Variants in TM6SF2 observed in about 807,000 individuals in gnomAD.
TM6SF2 encodes transmembrane 6 superfamily member 2.
A neutral mutation model predicts 41.0 loss-of-function variants in TM6SF2; 29 were observed. The ratio of observed to expected loss-of-function variants is 0.71; its 90% CI spans 0.53 to 0.96. The LOEUF (loss-of-function observed/expected upper bound fraction) is 0.96. Among genes scored for constraint, TM6SF2 ranks in the 50% least tolerant of loss-of-function variants. TM6SF2 has a pLI of 0.00. For synonymous variants in TM6SF2, 200 were observed against 209.1 expected (o/e 0.96, Z 0.37); for missense variants, 475 against 499.0 (o/e 0.95, Z 0.46).
intron 6 of TM6SF2, 121 bp from the exon 7 acceptor site, chr19:19,268,208 C>CTTT (rs536426725): frequency 7.1e-5 from 40 of 562,662 alleles, no homozygotes; most frequent in South Asian, 2.5e-4. Flanking sequence ...TTTCTTTTTT[C>CTTT]TTTTTTTTTT....
intron 5 of TM6SF2, 43 bp from the exon 6 acceptor site, chr19:19,268,797 C>A: frequency 6.5e-7 from 1 of 1,541,358 alleles, no homozygotes; most frequent in East Asian, 2.5e-5. Flanking sequence ...TGCCAGAACC[C>A]TGCTGGACAT....
Position 19,268,650 on chromosome 19 carries a change from T to C in TM6SF2, c.589A>G (p.Thr197Ala), listed in dbSNP as rs373585910. The change falls in exon 6 of 10, where the codon ACC becomes GCC. Residue 197 changes from threonine to alanine, a missense_variant. Transcript: ENST00000389363. ...MKVFSQPRAL[T>A]RCTANMVQEE... ...CTCACCATGTTGGCGGTGCAGCGGG[T>C]TAGCGCCCGGGGCTGGCTGAAGACC... The C allele has an allele frequency of 3.1e-6, 5 of 1,588,050 alleles. No homozygotes were observed. In the African/African-American group the frequency reaches 6.9e-5, roughly 22 times the overall value.
chr19:19,270,592 G>T, intron 2 of TM6SF2, 150 bp from the exon 3 acceptor site: 2 of 947,454 alleles, frequency 2.1e-6, no homozygotes, highest in Non-Finnish European at 3.1e-6. Flanking sequence ...CAACCCCAAA[G>T]GTTGCATGAC....
At position 19,268,993 on chromosome 19, in the gene TM6SF2, A is replaced by C. The variant is rs140260057; in HGVS notation, c.485-239T>G. Among the ~76,000 whole-genome samples, 734 of 152,012 alleles carry C rather than the reference A, an allele frequency of 4.8e-3. 5 individuals are homozygous for C. The highest frequency in any genetic ancestry group is 0.017 in the African/African-American group (700 of 41,468). On this transcript the variant is annotated intron_variant, in intron 5 of 9. Transcript: ENST00000389363. ...CTTTTAGTATAGGCAGGGTTTCACC[A>C]TGCTGCCCAGGCTGATCTTGATCTC...
chr19:19,267,371 A>T (rs2061006616), intron 8 of TM6SF2, among the ~76,000 whole-genome samples: 1 of 97,712 alleles, frequency 1.0e-5, no homozygotes, highest in African/African-American at 3.9e-5. Flanking sequence ...TCTGTTTAAA[A>T]AAAAAAAAAA....
chr19:19,265,538 C>G (rs1042942141), intron 9 of TM6SF2, among the ~76,000 whole-genome samples: 1 of 152,172 alleles, frequency 6.6e-6, no homozygotes, highest in Non-Finnish European at 1.5e-5. Context: ...CCAATCTCAG[C>G]CTCCCGAGTA....
intron 1 of TM6SF2, 61 bp downstream of exon 1, chr19:19,273,060 C>CAGGG: frequency 1.5e-5 from 7 of 472,834 alleles, no homozygotes; most frequent in East Asian, 4.0e-5. Flanking sequence ...ACCTCCAGTC[C>CAGGG]TCCCCGCCCC....
At chr19:19,266,436 G>A in intron 9 of TM6SF2, 54 bp downstream of exon 9, 6 of 1,605,968 alleles carry the variant, frequency 3.7e-6, no homozygotes, top group Non-Finnish European at 5.1e-6. Context: ...GCATTGATGA[G>A]TAGACAGAAA....
intron 9 of TM6SF2, 111 bp from the exon 10 acceptor site, chr19:19,264,984 CCACCT>C: frequency 1.6e-6 from 1 of 609,578 alleles, no homozygotes; most frequent in Non-Finnish European, 2.6e-6. Flanking sequence ...ATGCCCATCC[CCACCT>C]CTCGGGCTTT....
intron 9 of TM6SF2, 125 bp downstream of exon 9, chr19:19,266,365 G>A (rs2061002889): frequency 4.4e-6 from 6 of 1,363,320 alleles, no homozygotes; most frequent in Admixed American, 4.3e-5. Flanking sequence ...CTGGGATATT[G>A]GGCCTGGGGC....
At chr19:19,265,064 C>T (rs2060998338) in intron 9 of TM6SF2, among the ~76,000 whole-genome samples, 191 bp from the exon 10 acceptor site, 1 of 129,368 alleles carries the variant, frequency 7.7e-6, no homozygotes, top group South Asian at 2.6e-4. Context: ...TTTTTTGAGA[C>T]ACAGTCTCAT....
intron 2 of TM6SF2, 84 bp downstream of exon 2, chr19:19,270,937 AG>A: frequency 1.8e-6 from 2 of 1,102,838 alleles, no homozygotes; most frequent in Non-Finnish European, 1.4e-6. Context: ...AGTCTGATGG[AG>A]GAGGCCCCTT....
intron 6 of TM6SF2, among the ~76,000 whole-genome samples, 165 bp from the exon 7 acceptor site, chr19:19,268,252 C>T (rs1352337103): frequency 3.5e-5 from 5 of 144,748 alleles, no homozygotes; most frequent in Non-Finnish European, 7.5e-5. Context: ...GTTGCCCAGG[C>T]TTGAGTGAAG....
chr19:19,267,452 A>T (rs1599836775), intron 8 of TM6SF2, among the ~76,000 whole-genome samples, 169 bp downstream of exon 8: 1 of 151,980 alleles, frequency 6.6e-6, no homozygotes, highest in Non-Finnish European at 1.5e-5. Context: ...CACCTTGAGC[A>T]CCTGGATCCA....
chr19:19,268,764 T>C lies in TM6SF2; in HGVS notation c.485-10A>G. 1 of 1,587,286 alleles carries C rather than the reference T, an allele frequency of 6.3e-7. No homozygotes were observed. On this transcript the variant is annotated splice_polypyrimidine_tract_variant and intron_variant, in intron 5 of 9. Transcript: ENST00000389363. ...TCGGAGCTGTATTTGCCTTCCATGG[T>C]GCAGGAGAGAGGGCATCAGCCATGC...
At chr19:19,271,194 G>T (rs190419475) in intron 1 of TM6SF2, 69 bp from the exon 2 acceptor site, 3 of 1,279,136 alleles carry the variant, frequency 2.3e-6, no homozygotes, top group Non-Finnish European at 3.4e-6. Context: ...TCTCCCTGGT[G>T]GGGGAAGGGG....
intron 1 of TM6SF2, among the ~76,000 whole-genome samples, chr19:19,271,328 G>A (rs941626852): frequency 7.2e-5 from 11 of 152,146 alleles, no homozygotes; most frequent in Non-Finnish European, 1.3e-4. Context: ...TCTGGAAACC[G>A]CTTCCAGAAG....
At chr19:19,269,959 G>A in intron 4 of TM6SF2, 190 bp from the exon 5 acceptor site, 1 of 1,480,956 alleles carries the variant, frequency 6.8e-7, no homozygotes, top group South Asian at 1.4e-5. Flanking sequence ...AGAAGTGGCT[G>A]CCCAGGCACA....
intron 6 of TM6SF2, 32 bp downstream of exon 6, chr19:19,268,597 TG>T: frequency 6.5e-7 from 1 of 1,534,538 alleles, no homozygotes; most frequent in Non-Finnish European, 8.7e-7. Flanking sequence ...TCAGGCACAT[TG>T]GGACAAGGCC....
Sources: allele counts gnomAD v4.1 joint callset (sites outside exome capture counted in the v4.1 genomes callset), GRCh38; gene constraint gnomAD v4.1.1; transcripts MANE v1.5; gene names NCBI Gene and HGNC (gene_info 2026-07-23, HGNC 2026-07-21).